WNT2: variants seen among roughly 807,000 people sequenced by gnomAD.
The protein encoded by WNT2 is protein Wnt-2.
In WNT2, 12 loss-of-function variants were observed where a neutral mutation model predicts 36.9. That is an observed-to-expected ratio of 0.33 (90% CI 0.21 to 0.53). The LOEUF (loss-of-function observed/expected upper bound fraction) is 0.53, where lower values mean the gene tolerates loss of function less well. Among genes scored for constraint, WNT2 ranks in the 20% least tolerant of loss-of-function variants. The probability of loss-of-function intolerance (pLI) is 0.95; values close to 1 mark genes in which losing one functional copy is unlikely to be tolerated. For missense variants in WNT2, 379 were observed against 473.1 expected (o/e 0.80, Z 1.84); for synonymous variants, 163 against 174.6 (o/e 0.93, Z 0.52).
rs140141580 is a variant in WNT2 at position 117,279,333 on chromosome 7, C to T, written c.854-949G>A. Among the ~76,000 whole-genome samples the T allele has an allele frequency of 6.1e-3, 928 of 152,318 alleles. 11 individuals carry two copies. Among genetic ancestry groups the T allele is most frequent in the African/African-American group, 0.021 (873 of 41,566 alleles). ...GCTGGGCTTACCATGATCCTTTCTA[C>T]TTCCTCCCCCACAGAGATGGGCACC... On this transcript the variant is annotated intron_variant, in intron 4 of 4. Transcript: ENST00000265441.
intron 3 of WNT2, among the ~76,000 whole-genome samples, chr7:117,306,758 A>G (rs1405005779): frequency 1.3e-5 from 2 of 152,206 alleles, no homozygotes; most frequent in African/African-American, 2.4e-5. Flanking sequence ...AAGTTTTACT[A>G]CGTGGCATCC....
chr7:117,305,645 T>C (rs1795001883), intron 3 of WNT2, among the ~76,000 whole-genome samples: 1 of 152,196 alleles, frequency 6.6e-6, no homozygotes, highest in Non-Finnish European at 1.5e-5. Flanking sequence ...AAATATTGCT[T>C]TCTGGTGAGT....
rs557276049 is a variant in WNT2 at position 117,275,599 on chromosome 7, C to T, written c.*2556G>A. On this transcript the variant is annotated 3_prime_UTR_variant, in exon 5 of 5. Coordinates refer to ENST00000265441, the MANE Select transcript of WNT2 (RefSeq NM_003391.3). ...TTATTTTGTTTTGGCTAATTTGTGC[C>T]ATATATTCCCCTTAAAAGCCTCAGA... Among the ~76,000 whole-genome samples, 20 of 152,208 alleles carry T rather than the reference C, an allele frequency of 1.3e-4. No homozygotes were observed. The highest frequency in any genetic ancestry group is 4.8e-4 in the African/African-American group (20 of 41,520).
At chr7:117,318,232 G>A (rs560910508) in intron 2 of WNT2, among the ~76,000 whole-genome samples, 4 of 152,220 alleles carry the variant, frequency 2.6e-5, no homozygotes, top group South Asian at 2.1e-4. Context: ...ACTCTAAGAC[G>A]TAACTTTTTC....
chr7:117,282,380 A>G (rs1430682864), intron 4 of WNT2, among the ~76,000 whole-genome samples: 3 of 150,970 alleles, frequency 2.0e-5, no homozygotes, highest in Non-Finnish European at 4.4e-5. Flanking sequence ...GAAGGGGAAG[A>G]GGAAGAAGGG....
chr7:117,322,074 G>C lies in WNT2; in HGVS notation c.83+833C>G, dbSNP rs1454745109. ...AACTTTTAGGTGCAAGGAAATTACA[G>C]GGCTATCAACTCTATCTCTTTCCAA... On this transcript the variant is annotated intron_variant, in intron 1 of 4. Coordinates refer to ENST00000265441, the MANE Select transcript of WNT2 (RefSeq NM_003391.3). The surrounding 1 kb of genome is among the most constrained non-coding windows in gnomAD (Gnocchi z 5.4). The C allele has an allele frequency of 6.6e-6, 1 of 152,142 alleles. No homozygotes were observed. The highest frequency in any genetic ancestry group is 1.5e-5 in the Non-Finnish European group (1 of 68,020). 9.4% of individuals were successfully genotyped at this position (152,142 alleles called of 1,614,324 possible).
rs1416717971 is a variant in WNT2 at position 117,315,362 on chromosome 7, G to T, written c.311-14C>A. 2 of 1,607,568 alleles carry T rather than the reference G, an allele frequency of 1.2e-6. No homozygotes were observed. The highest frequency in any genetic ancestry group is 1.7e-4 in the Middle Eastern group (1 of 6,014). Reference sequence around the variant, plus strand: ...ATTCCCGACTACCTGAAACAAAAATGCTTTTCTTAAAAGTGGTCCGGTAGC... The same window carrying T: ...ATTCCCGACTACCTGAAACAAAAATTCTTTTCTTAAAAGTGGTCCGGTAGC... On this transcript the variant is annotated splice_polypyrimidine_tract_variant and intron_variant, in intron 2 of 4. Coordinates refer to ENST00000265441, the MANE Select transcript of WNT2 (RefSeq NM_003391.3).
At chr7:117,287,623 CTTCTA>C (rs1204271788) in intron 4 of WNT2, among the ~76,000 whole-genome samples, 1 of 151,758 alleles carries the variant, frequency 6.6e-6, no homozygotes, top group Non-Finnish European at 1.5e-5. Flanking sequence ...CTTATGCTTT[CTTCTA>C]TATACTGTGT....
At chr7:117,314,333 G>T (rs117625230) in intron 3 of WNT2, among the ~76,000 whole-genome samples, 1 of 152,314 alleles carries the variant, frequency 6.6e-6, no homozygotes, top group Non-Finnish European at 1.5e-5. Context: ...CTAGGGTAAA[G>T]CACCCCTGGA....
At chr7:117,316,400 A>T (rs1239794716) in intron 2 of WNT2, among the ~76,000 whole-genome samples, 1 of 152,160 alleles carries the variant, frequency 6.6e-6, no homozygotes, top group Non-Finnish European at 1.5e-5. Flanking sequence ...CCTTTTATTA[A>T]TGGTTGCTGC....
intron 3 of WNT2, among the ~76,000 whole-genome samples, chr7:117,301,462 C>T (rs1466605492): frequency 6.6e-6 from 1 of 152,102 alleles, no homozygotes; most frequent in Middle Eastern, 3.2e-3. Flanking sequence ...AGAGCAACTC[C>T]AGTATTCAAA....
At chr7:117,319,597 G>A (rs1366656613) in intron 2 of WNT2, among the ~76,000 whole-genome samples, 3 of 151,864 alleles carry the variant, frequency 2.0e-5, no homozygotes, top group Non-Finnish European at 2.9e-5. Context: ...TGTGTTTTCT[G>A]TCAGATTTTC....
chr7:117,278,601 C>CA (rs1331409004), intron 4 of WNT2, among the ~76,000 whole-genome samples: 3 of 152,168 alleles, frequency 2.0e-5, no homozygotes, highest in African/African-American at 7.2e-5. Flanking sequence ...GGCCGAGTCC[C>CA]AAAAAGGTGA....
intron 4 of WNT2, 55 bp from the exon 5 acceptor site, chr7:117,278,439 C>T: frequency 6.5e-7 from 1 of 1,528,770 alleles, no homozygotes; most frequent in Non-Finnish European, 8.9e-7. Flanking sequence ...ATCCAATATG[C>T]CTCCAGAGGA....
intron 3 of WNT2, among the ~76,000 whole-genome samples, chr7:117,305,105 A>G (rs564607485): frequency 6.6e-6 from 1 of 152,250 alleles, no homozygotes; most frequent in South Asian, 2.1e-4. Context: ...TGCCTGGCTC[A>G]GGGTTGGACT....
rs1794373559 is a variant in WNT2 at position 117,276,154 on chromosome 7, G to C, written c.*2001C>G. ...GTGCACCAATCCCTTCGCCTCTCTT[G>C]GTCTCAATTTCCCCAAACTAAAGGA... On this transcript the variant is annotated 3_prime_UTR_variant, in exon 5 of 5. Coordinates refer to ENST00000265441, the MANE Select transcript of WNT2 (RefSeq NM_003391.3). Among the ~76,000 whole-genome samples, 1 of 152,146 alleles carries C rather than the reference G, an allele frequency of 6.6e-6. No homozygotes were observed. Among genetic ancestry groups the C allele is most frequent in the Non-Finnish European group, 1.5e-5 (1 of 68,032 alleles).
chr7:117,308,750 T>C (rs1344829825), intron 3 of WNT2, among the ~76,000 whole-genome samples: 1 of 152,226 alleles, frequency 6.6e-6, no homozygotes, highest in Non-Finnish European at 1.5e-5. Flanking sequence ...CAGTTCAGTA[T>C]GGCTTTGGCA....
At chr7:117,305,108 G>T (rs1020554146) in intron 3 of WNT2, among the ~76,000 whole-genome samples, 1 of 152,172 alleles carries the variant, frequency 6.6e-6, no homozygotes, top group Non-Finnish European at 1.5e-5. Context: ...CTGGCTCAGG[G>T]TTGGACTGCT....
chr7:117,285,532 A>G (rs1202330848), intron 4 of WNT2, among the ~76,000 whole-genome samples: 1 of 152,210 alleles, frequency 6.6e-6, no homozygotes, highest in Non-Finnish European at 1.5e-5. Context: ...CATTTCCAAC[A>G]GCCATCTTGA....
Sources: gnomAD v4.1 joint callset for allele counts (sites outside exome capture counted in the v4.1 genomes callset) on GRCh38, gnomAD v4.1.1 for gene constraint, Gnocchi (gnomAD v3.1) non-coding constraint, MANE v1.5 for transcripts, NCBI Gene and HGNC (gene_info 2026-07-23, HGNC 2026-07-21) for gene names.